UBR3: variants seen among roughly 807,000 people sequenced by gnomAD.
The protein encoded by UBR3 is E3 ubiquitin-protein ligase UBR3.
Under a neutral mutation model 243.2 loss-of-function variants are expected in UBR3, and 85 were observed. The ratio of observed to expected loss-of-function variants is 0.35; its 90% CI spans 0.29 to 0.42. The LOEUF is 0.42. Ranked by LOEUF, UBR3 falls within the 10% of genes least tolerant of loss-of-function variation. The pLI is 1.00. For missense variants in UBR3, 1,686 were observed against 2,300.8 expected (o/e 0.73, Z 5.47); for synonymous variants, 748 against 799.8 (o/e 0.94, Z 1.09).
At chr2:169,866,140 G>T in intron 1 of UBR3, among the ~76,000 whole-genome samples, 1 of 107,324 alleles carries the variant, frequency 9.3e-6, no homozygotes, top group Admixed American at 1.2e-4. Flanking sequence ...AACAGAGCGA[G>T]ACTGTGTCTC....
At chr2:169,869,502 A>C (rs1376636986) in intron 1 of UBR3, among the ~76,000 whole-genome samples, 1 of 152,022 alleles carries the variant, frequency 6.6e-6, no homozygotes, top group Non-Finnish European at 1.5e-5. Flanking sequence ...GGGATTAAGG[A>C]CGTGAGCCAC....
chr2:169,942,346 A>G (rs186397415), intron 19 of UBR3, 147 bp from the exon 20 acceptor site: 600 of 736,124 alleles, frequency 8.2e-4, no homozygotes, highest in Admixed American at 1.1e-3. Flanking sequence ...TGTAGAGAAT[A>G]GATACCTCTT....
At chr2:169,985,113 G>A (rs1453408522) in intron 24 of UBR3, among the ~76,000 whole-genome samples, 2 of 151,800 alleles carry the variant, frequency 1.3e-5, no homozygotes, top group Non-Finnish European at 2.9e-5. Flanking sequence ...TACTTTGTCA[G>A]GTATCTCTGT....
chr2:169,839,048 A>G (rs1467372156), intron 1 of UBR3, among the ~76,000 whole-genome samples: 2 of 152,264 alleles, frequency 1.3e-5, no homozygotes, highest in Non-Finnish European at 2.9e-5. Context: ...AAATCAATAT[A>G]TGGAAAAGAG....
At chr2:169,840,498 C>T (rs183995906) in intron 1 of UBR3, among the ~76,000 whole-genome samples, 6 of 152,300 alleles carry the variant, frequency 3.9e-5, no homozygotes, top group South Asian at 2.1e-4. Flanking sequence ...ATCAGGTACC[C>T]GTGGTTCTCC....
At chr2:169,910,146 G>A (rs149062836) in intron 10 of UBR3, among the ~76,000 whole-genome samples, 1 of 152,224 alleles carries the variant, frequency 6.6e-6, no homozygotes, top group East Asian at 1.9e-4. Context: ...TGCTCAAAAA[G>A]TAAGTCTGGA....
At position 170,069,810 on chromosome 2, in the gene UBR3, G is replaced by T. The variant is rs1170269313; in HGVS notation, c.5020-3618G>T. Among the ~76,000 whole-genome samples, 13 of 151,812 alleles carry T rather than the reference G, an allele frequency of 8.6e-5. 1 individual carries two copies. The highest frequency in any genetic ancestry group is 1.8e-4 in the Non-Finnish European group (12 of 67,926). On this transcript the variant is annotated intron_variant, in intron 35 of 38. Transcript: ENST00000272793. ...CAGTCATCCATCGCTATCTGTAGGGGATTTGTTCCCCCCCCAGATACTAAG... is the reference window on the plus strand; with the variant it reads ...CAGTCATCCATCGCTATCTGTAGGGTATTTGTTCCCCCCCCAGATACTAAG...
chr2:169,827,559 G>C lies in UBR3; in HGVS notation c.52G>C (p.Glu18Gln), dbSNP rs2081780450. The C allele has an allele frequency of 7.3e-6, 9 of 1,235,666 alleles. No homozygotes were observed. Among genetic ancestry groups the C allele is most frequent in the Non-Finnish European group, 9.1e-6 (9 of 992,106 alleles). The allele number at this position is 1,235,666 out of a possible 1,614,324, so 76.5% of individuals were successfully genotyped here. The change falls in exon 1 of 39, where the codon GAG (glutamate) becomes CAG (glutamine). Residue 18 changes from glutamate (E) to glutamine (Q), a missense_variant. Glu to Gln is a conservative substitution (Grantham distance 29). Coordinates refer to ENST00000272793, the MANE Select transcript of UBR3 (RefSeq NM_172070.4). ...CGGGGGCCAGCAGCCGTCACAGCCC[G>C]AGCTGCCCGCGCCGGGGCTGGCCCT... ...AVGGQQPSQP[E>Q]LPAPGLALDK...
rs377429766 is a variant in UBR3, at chr2:169,852,317, T to C, written c.546-19919T>C. On this transcript the variant is annotated intron_variant, in intron 1 of 38. Transcript: ENST00000272793. Reference sequence around the variant, plus strand: ...TTGATAAATGAGATTAGGTAGGCTTTTGTGTTTTCTTTTCTATGGCTTTAC... The same window carrying C: ...TTGATAAATGAGATTAGGTAGGCTTCTGTGTTTTCTTTTCTATGGCTTTAC... Among the ~76,000 whole-genome samples the C allele has an allele frequency of 1.4e-4, 21 of 152,352 alleles. No individual in the cohort carries two copies. In the East Asian group the frequency reaches 3.7e-3, roughly 27 times the overall value.
In UBR3 at chr2:169,935,053, T is replaced by TACA. The variant is rs1002135045; in HGVS notation, c.2663+2056_2663+2058dup. 2.0e-5 allele frequency among the ~76,000 whole-genome samples: 3 copies of TACA among 152,072 alleles called. No homozygotes were observed. In the South Asian group the frequency reaches 6.2e-4, roughly 31 times the overall value. On this transcript the variant is annotated intron_variant, in intron 19 of 38. Coordinates refer to ENST00000272793, the MANE Select transcript of UBR3 (RefSeq NM_172070.4). ...ACTCTTAAAAAGAAAACAAAAACAATACAACAACAACAAAGCAAACCAGCA... is the reference window on the plus strand; with the variant it reads ...ACTCTTAAAAAGAAAACAAAAACAATACAACAACAACAACAAAGCAAACCAGCA...
chr2:169,880,537 T>A (rs904359611), intron 5 of UBR3, among the ~76,000 whole-genome samples: 11 of 152,194 alleles, frequency 7.2e-5, no homozygotes, highest in Non-Finnish European at 1.5e-4. Context: ...GTGGAGACTT[T>A]CATTGTACAC....
rs1233283892 is a variant in UBR3 at position 169,877,575 on chromosome 2, A to G, written c.926A>G (p.Glu309Gly). The G allele has an allele frequency of 7.7e-6, 12 of 1,549,790 alleles. No individual in the cohort carries two copies. Among genetic ancestry groups the G allele is most frequent in the Non-Finnish European group, 1.0e-5 (12 of 1,146,600 alleles). Reference protein sequence around the residue: ...ALKSSGLTYPEDKLVYGVQEP... With the variant: ...ALKSSGLTYPGDKLVYGVQEP... Reference sequence around the variant, plus strand: ...AAGAGCTCTGGACTTACATATCCTGAGGATAAGCTTGTATATGGTGTGCAG... The same window carrying G: ...AAGAGCTCTGGACTTACATATCCTGGGGATAAGCTTGTATATGGTGTGCAG... The change falls in exon 4 of 39, where the codon GAG becomes GGG. Residue 309 changes from glutamate to glycine, a missense_variant. Glu to Gly is a moderately conservative substitution (Grantham distance 98). This residue lies in a region of UBR3 where 200 missense variants were observed against 231.6 expected (regional missense o/e 0.86). Coordinates refer to ENST00000272793, the MANE Select transcript of UBR3 (RefSeq NM_172070.4).
At chr2:170,003,505 A>G (rs912703353) in intron 27 of UBR3, among the ~76,000 whole-genome samples, 9 of 152,176 alleles carry the variant, frequency 5.9e-5, no homozygotes, top group Non-Finnish European at 1.2e-4. Flanking sequence ...ACAGTGTTCC[A>G]GATACTATGA....
intron 2 of UBR3, among the ~76,000 whole-genome samples, chr2:169,875,084 T>C (rs1240962862): frequency 6.6e-6 from 1 of 152,148 alleles, no homozygotes; most frequent in African/African-American, 2.4e-5. Flanking sequence ...TCTTTCACTT[T>C]AGTTGCTTTG....
chr2:169,850,498 A>G (rs1209343795), intron 1 of UBR3, among the ~76,000 whole-genome samples: 1 of 152,000 alleles, frequency 6.6e-6, no homozygotes, highest in Non-Finnish European at 1.5e-5. Flanking sequence ...TCTTTTAAGC[A>G]CATATTTAGA....
chr2:170,079,856 C>T lies in UBR3; in HGVS notation c.5242C>T (p.Leu1748=), dbSNP rs1485816084. 6.2e-7 allele frequency: 1 copy of T among 1,613,918 alleles called. No homozygotes were observed. The highest frequency in any genetic ancestry group is 1.3e-5 in the African/African-American group (1 of 74,934). ...GTCAAAATGGAAATTACCACACCTA[C>T]TACAGTTGCCTGAGAATTATAACAC... is the stretch of plus-strand genomic sequence containing the variant. The part of the protein sequence containing the change: ...QESKWKLPHL[L]QLPENYNTIF... Residue 1748 remains leucine (L), a synonymous_variant, in exon 37 of 39, where the codon CTA becomes TTA. Coordinates refer to ENST00000272793, the MANE Select transcript of UBR3 (RefSeq NM_172070.4).
intron 4 of UBR3, 60 bp from the exon 5 acceptor site, chr2:169,878,465 T>C: frequency 6.9e-7 from 1 of 1,456,476 alleles, no homozygotes; most frequent in Non-Finnish European, 9.4e-7. Context: ...TCAGAATAAT[T>C]TGAAAATAAA....
At chr2:169,993,662 G>A (rs535642165) in intron 25 of UBR3, among the ~76,000 whole-genome samples, 1 of 152,256 alleles carries the variant, frequency 6.6e-6, no homozygotes, top group East Asian at 1.9e-4. Context: ...TATTGTGGGT[G>A]GTGCCAACTA....
In UBR3 at chr2:169,836,014, T is replaced by C. The variant is rs1417537672; in HGVS notation, c.545+7962T>C. 1.7e-3 allele frequency among the ~76,000 whole-genome samples: 43 copies of C among 25,410 alleles called. 2 individuals carry two copies. The highest frequency in any genetic ancestry group is 5.0e-3 in the East Asian group (6 of 1,192). The allele number at this position is 25,410 out of a possible 152,430, so 16.7% of individuals were successfully genotyped here. The stretch of plus-strand genomic sequence containing the variant: ...CACTGTCTCTCTCTCTCTCTCTCTC[T>C]CTCTCTCTCTCTCTCTCTCTCTCTC... On this transcript the variant is annotated intron_variant, in intron 1 of 38. Coordinates refer to ENST00000272793, the MANE Select transcript of UBR3 (RefSeq NM_172070.4).
Sources: gnomAD v4.1 joint callset for allele counts (sites outside exome capture counted in the v4.1 genomes callset) on GRCh38, gnomAD v4.1.1 for gene constraint, gnomAD v4.1.1 regional missense constraint, MANE v1.5 for transcripts, NCBI Gene and HGNC (gene_info 2026-07-23, HGNC 2026-07-21) for gene names.